CAPN1: variants seen among roughly 807,000 people sequenced by gnomAD.
CAPN1 encodes the protein calpain-1 catalytic subunit.
Under a neutral mutation model 105.2 loss-of-function variants are expected in CAPN1, and 77 were observed. That is an observed-to-expected ratio of 0.73 (90% CI 0.61 to 0.88). The LOEUF (loss-of-function observed/expected upper bound fraction) is 0.88. Among genes scored for constraint, CAPN1 ranks in the 40% least tolerant of loss-of-function variants. The probability of loss-of-function intolerance (pLI) is 0.00; values close to 1 mark genes in which losing one functional copy is unlikely to be tolerated. For synonymous variants in CAPN1, 355 were observed against 388.8 expected (o/e 0.91, Z 1.02); for missense variants, 833 against 976.6 (o/e 0.85, Z 1.96).
In CAPN1 at chr11:65,203,202, T is replaced by TTA. The variant is rs1488968764; in HGVS notation, c.1166-1480_1166-1479insAT. Among the ~76,000 whole-genome samples, 581 of 152,248 alleles carry TTA rather than the reference T, an allele frequency of 3.8e-3. 4 individuals carry two copies. Among genetic ancestry groups the TTA allele is most frequent in the African/African-American group, 0.013 (555 of 41,510 alleles). On this transcript the variant is annotated intron_variant, in intron 10 of 21. Transcript: ENST00000279247. ...ATGCAGCCATTAACATTCTCTCTTTTTTTTTTTAAATGGAATCTTGCTCTC... is the reference window on the plus strand; with the variant it reads ...ATGCAGCCATTAACATTCTCTCTTTTTATTTTTTTAAATGGAATCTTGCTCTC...
At chr11:65,205,974 G>T in intron 12 of CAPN1, 1 of 557,572 alleles carries the variant, frequency 1.8e-6, no homozygotes, top group Non-Finnish European at 3.2e-6. Context: ...GTACACATGA[G>T]GCTTTTCCTG....
At chr11:65,197,888 G>GAAAAAAAAAAAAAAAAA (rs71049687) in intron 10 of CAPN1, among the ~76,000 whole-genome samples, 1 of 83,490 alleles carries the variant, frequency 1.2e-5, no homozygotes, top group Non-Finnish European at 2.1e-5. Context: ...AACTCTATCT[G>GAAAAAAAAAAAAAAAAA]AAAAAAAAAA....
intron 1 of CAPN1, 190 bp from the exon 2 acceptor site, chr11:65,182,511 C>T (rs1948553783): frequency 1.7e-6 from 1 of 593,536 alleles, no homozygotes; most frequent in Non-Finnish European, 2.8e-6. Context: ...CTGGGAAATC[C>T]CTTTCCTGGA....
intron 10 of CAPN1, among the ~76,000 whole-genome samples, chr11:65,191,426 A>T (rs1948717262): frequency 6.6e-6 from 1 of 152,136 alleles, no homozygotes; most frequent in Non-Finnish European, 1.5e-5. Context: ...ATTCATCTGT[A>T]TGTATTTTTT....
In CAPN1 at chr11:65,187,203, C is replaced by T. The variant is rs1002438276; in HGVS notation, c.760-12C>T. On this transcript the variant is annotated splice_polypyrimidine_tract_variant and intron_variant, in intron 6 of 21. Coordinates refer to ENST00000279247, the MANE Select transcript of CAPN1 (RefSeq NM_005186.4). Reference sequence around the variant, plus strand: ...CCTAGCCACTGACCACAGTGTGTGCCTCTTTCTGCAGATCTCCAGCGTTCT... The same window carrying T: ...CCTAGCCACTGACCACAGTGTGTGCTTCTTTCTGCAGATCTCCAGCGTTCT... 3.7e-6 allele frequency: 6 copies of T among 1,607,814 alleles called. No homozygotes were observed. In the Admixed American group the frequency reaches 5.0e-5, roughly 14 times the overall value.
intron 10 of CAPN1, among the ~76,000 whole-genome samples, chr11:65,190,943 G>A (rs915533910): frequency 2.6e-5 from 4 of 152,032 alleles, no homozygotes; most frequent in African/African-American, 9.7e-5. Context: ...AAACTCAAGT[G>A]ATCCACCTGG....
Position 65,195,096 on chromosome 11 carries a change from T to TG in CAPN1, c.1165+6354dup, listed in dbSNP as rs376198063. On this transcript the variant is annotated intron_variant, in intron 10 of 21. Coordinates refer to ENST00000279247, the MANE Select transcript of CAPN1 (RefSeq NM_005186.4). ...GTGAAGTGGTATCACTGAAGTTTTT[T>TG]GGGGTTTTTTTTTTTTTTTTTTTTT... is the stretch of plus-strand genomic sequence containing the variant. Among the ~76,000 whole-genome samples, 217 of 133,992 alleles carry TG rather than the reference T, an allele frequency of 1.6e-3. 4 individuals are homozygous for TG. Among genetic ancestry groups the TG allele is most frequent in the African/African-American group, 3.3e-3 (112 of 33,906 alleles). The allele number at this position is 133,992 out of a possible 152,430, so 87.9% of individuals were successfully genotyped here. A position where few individuals can be genotyped will look rare whatever the true frequency, so the allele number is the denominator to read the frequency against.
At position 65,209,461 on chromosome 11, in the gene CAPN1, G is replaced by A; in HGVS notation, c.1794+74G>A. ...TATCGGTGCTGGGAGAACTGTCCCA[G>A]GACAGCACAGAGAACAGGACAGAGC... On this transcript the variant is annotated intron_variant, in intron 17 of 21. Transcript: ENST00000279247. This position sits in a 1 kb window ranked among gnomAD's most constrained non-coding sequence, Gnocchi z 4.1. The A allele has an allele frequency of 1.6e-6, 2 of 1,270,990 alleles. No homozygotes were observed. Among genetic ancestry groups the A allele is most frequent in the Non-Finnish European group, 2.3e-6 (2 of 882,202 alleles). 78.7% of individuals were successfully genotyped at this position (1,270,990 alleles called of 1,614,324 possible).
Position 65,209,071 on chromosome 11 carries a change from T to C in CAPN1, c.1730-252T>C. The C allele has an allele frequency of 1.8e-6, 1 of 555,848 alleles. No homozygotes were observed. Among genetic ancestry groups the C allele is most frequent in the Non-Finnish European group, 3.2e-6 (1 of 308,154 alleles). The allele number at this position is 555,848 out of a possible 1,614,324, so 34.4% of individuals were successfully genotyped here. A position where few individuals can be genotyped will look rare whatever the true frequency, so the allele number is the denominator to read the frequency against. On this transcript the variant is annotated intron_variant, in intron 16 of 21. Transcript: ENST00000279247. The surrounding 1 kb of genome is among the most constrained non-coding windows in gnomAD (Gnocchi z 4.1). ...CTGCCCCATCTTTCTACCCAATTTC[T>C]CGCTCTTCTGTTTCACACTCATTTC...
rs370736976 is a variant in CAPN1 at position 65,188,552 on chromosome 11, G to A, written c.1005-34G>A. On this transcript the variant is annotated intron_variant, in intron 9 of 21. Coordinates refer to ENST00000279247, the MANE Select transcript of CAPN1 (RefSeq NM_005186.4). This position sits in a 1 kb window ranked among gnomAD's most constrained non-coding sequence, Gnocchi z 5.5. Reference sequence around the variant, plus strand: ...CTACACATCAGCTCTGTGCCCTGACGGGCTGTGCCTCACCTGTGTACCTCC... The same window carrying A: ...CTACACATCAGCTCTGTGCCCTGACAGGCTGTGCCTCACCTGTGTACCTCC... 3.6e-5 allele frequency: 58 copies of A among 1,613,604 alleles called. No homozygotes were observed. The highest frequency in any genetic ancestry group is 4.8e-5 in the Non-Finnish European group (57 of 1,179,756).
At chr11:65,194,651 CT>C (rs1292141829) in intron 10 of CAPN1, among the ~76,000 whole-genome samples, 1 of 152,122 alleles carries the variant, frequency 6.6e-6, no homozygotes, top group Admixed American at 6.5e-5. Flanking sequence ...CTATTCTGGA[CT>C]TTTTTGCCTT....
chr11:65,187,350 T>G (rs1043601470), intron 7 of CAPN1, 52 bp downstream of exon 7: 1 of 1,274,528 alleles, frequency 7.8e-7, no homozygotes, highest in Non-Finnish European at 1.1e-6. Flanking sequence ...CCCCCTGGCC[T>G]GTCCTTGCCT....
At chr11:65,192,891 G>C (rs1200615520) in intron 10 of CAPN1, among the ~76,000 whole-genome samples, 1 of 151,954 alleles carries the variant, frequency 6.6e-6, no homozygotes, top group Non-Finnish European at 1.5e-5. Context: ...ACAGGCATGA[G>C]CCACTGTGCC....
intron 10 of CAPN1, among the ~76,000 whole-genome samples, chr11:65,200,992 T>G (rs1398606757): frequency 3.1e-5 from 4 of 130,146 alleles, no homozygotes; most frequent in Admixed American, 9.3e-5. Flanking sequence ...TCACCCAGGC[T>G]GGAGTGCAGT....
At position 65,204,812 on chromosome 11, in the gene CAPN1, G is replaced by A; in HGVS notation, c.1295G>A (p.Arg432His). Residue 432 changes from arginine (R) to histidine (H), a missense_variant, in exon 11 of 22, where the codon CGC becomes CAC. Transcript: ENST00000279247. ...ATGCAGAAGCACCGTCGCCGCGAGC[G>A]CCGCTTCGGCCGCGACATGGAGACT... ...ALMQKHRRRE[R>H]RFGRDMETIG... is the part of the protein sequence containing the mutation. 6.2e-7 allele frequency: 1 copy of A among 1,612,320 alleles called. No homozygotes were observed. The highest frequency in any genetic ancestry group is 8.5e-7 in the Non-Finnish European group (1 of 1,179,388).
At chr11:65,200,637 C>T (rs1235101721) in intron 10 of CAPN1, among the ~76,000 whole-genome samples, 3 of 152,102 alleles carry the variant, frequency 2.0e-5, no homozygotes, top group Non-Finnish European at 2.9e-5. Flanking sequence ...GCCACCGTGC[C>T]CGGCCGCCTT....
intron 7 of CAPN1, chr11:65,187,570 G>A (rs1948653428): frequency 1.9e-6 from 1 of 538,472 alleles, no homozygotes; most frequent in South Asian, 2.0e-5. Flanking sequence ...GAGAGGATGA[G>A]GGTATGGGAG....
rs1011679785 is a variant in CAPN1, at chr11:65,210,722, A to T, written c.2060-92A>T. 4 of 1,026,902 alleles carry T rather than the reference A, an allele frequency of 3.9e-6. No individual in the cohort carries two copies. The Admixed American group carries it at 6.8e-5, about 17-fold the overall frequency. The allele number at this position is 1,026,902 out of a possible 1,614,324, so 63.6% of individuals were successfully genotyped here. On this transcript the variant is annotated intron_variant, in intron 20 of 21. Coordinates refer to ENST00000279247, the MANE Select transcript of CAPN1 (RefSeq NM_005186.4). The surrounding 1 kb of genome is among the most constrained non-coding windows in gnomAD (Gnocchi z 4.3). ...AGCTTGCGGTACTGTGGGGAGGTAG[A>T]GAGGGACCAGGCAGGAAGGGGGCCA... is the stretch of plus-strand genomic sequence containing the variant.
Position 65,206,829 on chromosome 11 carries a change from C to T in CAPN1, c.1605+10C>T, listed in dbSNP as rs1948968676. 3 of 1,609,634 alleles carry T rather than the reference C, an allele frequency of 1.9e-6. No homozygotes were observed. The highest frequency in any genetic ancestry group is 2.5e-6 in the Non-Finnish European group (3 of 1,178,092). On this transcript the variant is annotated intron_variant, in intron 14 of 21. Transcript: ENST00000279247. ...CAATCTCCCCGATGAGGTGCGTGGT[C>T]CCACCCCACCAGGCCCCGTCCTCCT... is the stretch of plus-strand genomic sequence containing the variant.
Sources: gnomAD v4.1 joint callset for allele counts (sites outside exome capture counted in the v4.1 genomes callset) on GRCh38, gnomAD v4.1.1 for gene constraint, Gnocchi (gnomAD v3.1) non-coding constraint, MANE v1.5 for transcripts, NCBI Gene and HGNC (gene_info 2026-07-23, HGNC 2026-07-21) for gene names.